KCNIP1: variants seen among roughly 807,000 people sequenced by gnomAD.
The protein encoded by KCNIP1 is potassium voltage-gated channel interacting protein 1.
KCNIP1 carries 18 observed loss-of-function variants against 33.0 expected under a neutral mutation model. The observed-to-expected ratio is 0.55, with a 90% CI of 0.38 to 0.81. KCNIP1 has a LOEUF of 0.81. KCNIP1 is among the 30% of genes least tolerant of loss of function. KCNIP1 has a pLI of 0.00. For synonymous variants in KCNIP1, 93 were observed against 98.3 expected (o/e 0.95, Z 0.32); for missense variants, 238 against 271.6 (o/e 0.88, Z 0.87).
intron 1 of KCNIP1, among the ~76,000 whole-genome samples, chr5:170,367,406 A>G (rs1384634837): frequency 2.5e-5 from 3 of 120,614 alleles, no homozygotes; most frequent in Non-Finnish European, 5.4e-5. Flanking sequence ...AGAAAGAAAG[A>G]AAGAAAGAAA....
intron 1 of KCNIP1, among the ~76,000 whole-genome samples, chr5:170,381,570 A>G (rs978526626): frequency 6.6e-6 from 1 of 152,136 alleles, no homozygotes; most frequent in African/African-American, 2.4e-5. Context: ...AAAAACACGA[A>G]GGGCATTTCC....
intron 1 of KCNIP1, among the ~76,000 whole-genome samples, chr5:170,471,770 A>T (rs1488097839): frequency 6.6e-6 from 1 of 151,992 alleles, no homozygotes; most frequent in East Asian, 1.9e-4. Context: ...CCTCCTTTAG[A>T]TCCTCTTTCC....
At chr5:170,411,424 G>A (rs996847608) in intron 1 of KCNIP1, among the ~76,000 whole-genome samples, 3 of 152,216 alleles carry the variant, frequency 2.0e-5, no homozygotes, top group African/African-American at 7.2e-5. Flanking sequence ...TTCTGACAGA[G>A]GACAGGCAGG....
At chr5:170,456,534 G>T (rs181732834) in intron 1 of KCNIP1, among the ~76,000 whole-genome samples, 2 of 151,734 alleles carry the variant, frequency 1.3e-5, no homozygotes, top group Admixed American at 1.3e-4. Flanking sequence ...ATCTTAAGAC[G>T]CTAGGGGAAA....
chr5:170,366,818 C>G (rs1391324170), intron 1 of KCNIP1, among the ~76,000 whole-genome samples: 1 of 152,226 alleles, frequency 6.6e-6, no homozygotes, highest in African/African-American at 2.4e-5. Context: ...CATTGCCACA[C>G]AGCCGATGAC....
Position 170,602,428 on chromosome 5 carries a change from C to A in KCNIP1, c.61+97795C>A, listed in dbSNP as rs577588817. 9.2e-5 allele frequency among the ~76,000 whole-genome samples: 14 copies of A among 152,378 alleles called. No homozygotes were observed. In the South Asian group the frequency reaches 2.9e-3, roughly 32 times the overall value. The stretch of plus-strand genomic sequence containing the variant: ...GAGGACGGGATGCCTGGCTTGGCTG[C>A]TGGTCTGGGGCAGGTGCCCAGTTAC... On this transcript the variant is annotated intron_variant, in intron 1 of 7. Transcript: ENST00000328939.
intron 1 of KCNIP1, among the ~76,000 whole-genome samples, chr5:170,606,722 C>A (rs1758935065): frequency 6.6e-6 from 1 of 152,296 alleles, no homozygotes; most frequent in African/African-American, 2.4e-5. Flanking sequence ...AATTCTTAAC[C>A]ATTACCCCAC....
rs765126522 is a variant in KCNIP1 at position 170,528,154 on chromosome 5, C to T, written c.61+23521C>T. 1.1e-4 allele frequency among the ~76,000 whole-genome samples: 16 copies of T among 152,296 alleles called. 1 individual carries two copies. The highest frequency in any genetic ancestry group is 3.4e-3 in the Middle Eastern group (1 of 294). ...TGGAGGAGACCTGCCTCTCAGCAGC[C>T]AATCCCACCCAGGCTGCTCTGGAAC... On this transcript the variant is annotated intron_variant, in intron 1 of 7. Coordinates refer to ENST00000328939, the MANE Select transcript of KCNIP1 (RefSeq NM_014592.4).
At chr5:170,429,027 G>T (rs1755681406) in intron 1 of KCNIP1, among the ~76,000 whole-genome samples, 1 of 152,090 alleles carries the variant, frequency 6.6e-6, no homozygotes, top group Admixed American at 6.5e-5. Flanking sequence ...GGAGGCAGAG[G>T]TTGCGGTGAG....
At chr5:170,735,523 A>G (rs539270753) in intron 7 of KCNIP1, among the ~76,000 whole-genome samples, 2 of 152,320 alleles carry the variant, frequency 1.3e-5, no homozygotes, top group South Asian at 4.1e-4. Context: ...AAAAGAAGCA[A>G]CTCACTATTT....
At chr5:170,357,753 C>G (rs1373223003) in intron 1 of KCNIP1, among the ~76,000 whole-genome samples, 1 of 152,206 alleles carries the variant, frequency 6.6e-6, no homozygotes, top group Non-Finnish European at 1.5e-5. Context: ...ATGTCAAACT[C>G]CTGGCTCAAG....
At chr5:170,360,740 T>C (rs1390262855) in intron 1 of KCNIP1, among the ~76,000 whole-genome samples, 1 of 152,194 alleles carries the variant, frequency 6.6e-6, no homozygotes, top group African/African-American at 2.4e-5. Context: ...GGTCATCCAT[T>C]CTCATGAGAA....
At chr5:170,433,855 A>G (rs1472536996) in intron 1 of KCNIP1, among the ~76,000 whole-genome samples, 1 of 152,178 alleles carries the variant, frequency 6.6e-6, no homozygotes, top group African/African-American at 2.4e-5. Flanking sequence ...TTTACCCAGG[A>G]TTTCACAGCT....
chr5:170,458,306 T>C (rs1813260), intron 1 of KCNIP1, among the ~76,000 whole-genome samples: 26,627 of 152,172 alleles, frequency 0.17, 2,757 homozygotes, highest in East Asian at 0.35. Flanking sequence ...TCCCCCAGCC[T>C]TGCTAGAGCC....
At chr5:170,509,854 T>C (rs1754869379) in intron 1 of KCNIP1, among the ~76,000 whole-genome samples, 1 of 152,208 alleles carries the variant, frequency 6.6e-6, no homozygotes, top group Admixed American at 6.5e-5. Context: ...TGAGGAGATG[T>C]CTCTAAGTTT....
chr5:170,364,747 T>G lies in KCNIP1; in HGVS notation c.88+10783T>G, dbSNP rs9654462. ...TGCTCCTGCAATAATATTACACATG[T>G]GTTTGCTTGGTGATTTTAAATGTTT... On this transcript the variant is annotated intron_variant, in intron 1 of 7. Coordinates refer to the KCNIP1 transcript ENST00000377360. 3.1e-3 allele frequency among the ~76,000 whole-genome samples: 474 copies of G among 152,326 alleles called. 1 individual carries two copies. Among genetic ancestry groups the G allele is most frequent in the African/African-American group, 0.011 (444 of 41,562 alleles).
chr5:170,712,386 A>C (rs1763480545), intron 1 of KCNIP1, among the ~76,000 whole-genome samples: 1 of 152,242 alleles, frequency 6.6e-6, no homozygotes, highest in African/African-American at 2.4e-5. Context: ...TAGATACTTC[A>C]TTGACAGTTA....
intron 1 of KCNIP1, among the ~76,000 whole-genome samples, chr5:170,437,596 G>A (rs1460795055): frequency 1.3e-5 from 2 of 152,216 alleles, no homozygotes; most frequent in Admixed American, 6.5e-5. Flanking sequence ...TTGAAATCCA[G>A]TGCAGCACAG....
At chr5:170,659,792 T>C (rs1183403003) in intron 1 of KCNIP1, among the ~76,000 whole-genome samples, 1 of 152,150 alleles carries the variant, frequency 6.6e-6, no homozygotes, top group Non-Finnish European at 1.5e-5. Context: ...TGACTATTAT[T>C]AGGCGGGTGC....
Sources: allele counts gnomAD v4.1 joint callset (sites outside exome capture counted in the v4.1 genomes callset), GRCh38; gene constraint gnomAD v4.1.1; transcripts MANE v1.5; gene names NCBI Gene and HGNC (gene_info 2026-07-23, HGNC 2026-07-21).